The following SLIT1 variants were observed in gnomAD, a reference collection of about 807,000 sequenced individuals.
The protein encoded by SLIT1 is slit homolog 1 protein.
A neutral mutation model predicts 186.1 loss-of-function variants in SLIT1; 66 were observed. The ratio of observed to expected loss-of-function variants is 0.35; its 90% CI spans 0.29 to 0.44. The LOEUF (loss-of-function observed/expected upper bound fraction) is 0.44. Among genes scored for constraint, SLIT1 ranks in the 20% least tolerant of loss-of-function variants. The pLI, the probability that SLIT1 is intolerant of heterozygous loss-of-function variation, is 1.00. For missense variants in SLIT1, 1,638 were observed against 2,037.4 expected (o/e 0.80, Z 3.77); for synonymous variants, 761 against 833.8 (o/e 0.91, Z 1.50).
chr10:97,123,981 A>G (rs1849582912), intron 4 of SLIT1, among the ~76,000 whole-genome samples: 1 of 152,114 alleles, frequency 6.6e-6, no homozygotes, highest in Admixed American at 6.6e-5. Context: ...TCCCTCCATC[A>G]GACAGTGTTG....
chr10:97,021,848 C>T lies in SLIT1; in HGVS notation c.2583-435G>A, dbSNP rs535229797. On this transcript the variant is annotated intron_variant, in intron 25 of 36. Coordinates refer to ENST00000266058, the MANE Select transcript of SLIT1 (RefSeq NM_003061.3). This position sits in a 1 kb window ranked among gnomAD's most constrained non-coding sequence, Gnocchi z 4.5. ...AAAGTGCTGGGATTACAGGCGTGAGCCACCGTGCCTGGCTGCCAGTGCTGT... is the reference window on the plus strand; with the variant it reads ...AAAGTGCTGGGATTACAGGCGTGAGTCACCGTGCCTGGCTGCCAGTGCTGT... 6.6e-6 allele frequency among the ~76,000 whole-genome samples: 1 copy of T among 152,348 alleles called. No homozygotes were observed. The highest frequency in any genetic ancestry group is 1.9e-4 in the East Asian group (1 of 5,176).
chr10:97,153,786 T>C (rs1849910522), intron 4 of SLIT1: 1 of 152,274 alleles, frequency 6.6e-6, no homozygotes, highest in African/African-American at 2.4e-5. Flanking sequence ...ACCTGAGTCA[T>C]GATGGAATCG....
intron 12 of SLIT1, among the ~76,000 whole-genome samples, chr10:97,056,676 A>T (rs559318383): frequency 6.6e-6 from 1 of 152,308 alleles, no homozygotes; most frequent in South Asian, 2.1e-4. Context: ...ATCTTGGTCA[A>T]CCCACTCGTC....
intron 4 of SLIT1, among the ~76,000 whole-genome samples, chr10:97,070,166 A>G (rs1198991366): frequency 1.3e-5 from 2 of 152,192 alleles, no homozygotes; most frequent in Non-Finnish European, 2.9e-5. Flanking sequence ...ATGCAATCTC[A>G]TGAAAAACCC....
intron 4 of SLIT1, among the ~76,000 whole-genome samples, chr10:97,089,642 G>A (rs1030592700): frequency 2.0e-5 from 3 of 152,136 alleles, no homozygotes; most frequent in Non-Finnish European, 4.4e-5. Flanking sequence ...CCTGTGAGGC[G>A]GTGGAAGGTG....
At chr10:97,169,543 G>T (rs1405613802) in intron 1 of SLIT1, among the ~76,000 whole-genome samples, 1 of 152,220 alleles carries the variant, frequency 6.6e-6, no homozygotes, top group African/African-American at 2.4e-5. Context: ...CCCTCCCCCA[G>T]CAAGCTGCCA....
intron 28 of SLIT1, among the ~76,000 whole-genome samples, chr10:97,016,420 C>G (rs1457420033): frequency 6.6e-6 from 1 of 152,122 alleles, no homozygotes; most frequent in Non-Finnish European, 1.5e-5. Flanking sequence ...ATTTTAGAGA[C>G]AGTTTCACTG....
Position 97,004,354 on chromosome 10 carries a change from G to T in SLIT1, c.3711-132C>A. The T allele has an allele frequency of 1.1e-6, 1 of 898,730 alleles. No individual in the cohort carries two copies. 55.7% of individuals were successfully genotyped at this position (898,730 alleles called of 1,614,324 possible). A position where few individuals can be genotyped will look rare whatever the true frequency, so the allele number is the denominator to read the frequency against. The stretch of plus-strand genomic sequence containing the variant: ...ATATCTAAGGAAAAGGACTGTGGGG[G>T]CTCAAGGGTCTATCGCATGATCCCT... On this transcript the variant is annotated intron_variant, in intron 33 of 36. Coordinates refer to ENST00000266058, the MANE Select transcript of SLIT1 (RefSeq NM_003061.3). This position sits in a 1 kb window ranked among gnomAD's most constrained non-coding sequence, Gnocchi z 5.1.
At chr10:97,058,276 C>T (rs1000538874) in intron 11 of SLIT1, among the ~76,000 whole-genome samples, 10 of 152,098 alleles carry the variant, frequency 6.6e-5, no homozygotes, top group Admixed American at 3.3e-4. Context: ...CAGGGCTGGC[C>T]GAGGTAGACA....
chr10:97,107,392 G>C (rs77664534), intron 4 of SLIT1, among the ~76,000 whole-genome samples: 4,378 of 152,180 alleles, frequency 0.029, 120 homozygotes, highest in South Asian at 0.13. Context: ...GGTAAGGCAG[G>C]GCAGCTGGTC....
intron 3 of SLIT1, 140 bp from the exon 4 acceptor site, chr10:97,158,029 TTACC>T: frequency 1.4e-6 from 1 of 692,362 alleles, no homozygotes; most frequent in Non-Finnish European, 2.6e-6. Context: ...CCCAGGGAAA[TTACC>T]TTCTCTGGGC....
chr10:97,004,670 T>TG lies in SLIT1; in HGVS notation c.3710+22dup, dbSNP rs1290774015. ...GCAGTCCCGTACCCCTGAGGGCAGC[T>TG]GGGGGGCATAAGGAAGCCCTACCTG... On this transcript the variant is annotated intron_variant, in intron 33 of 36. Coordinates refer to ENST00000266058, the MANE Select transcript of SLIT1 (RefSeq NM_003061.3). This position sits in a 1 kb window ranked among gnomAD's most constrained non-coding sequence, Gnocchi z 5.1. 18 of 1,613,662 alleles carry TG rather than the reference T, an allele frequency of 1.1e-5. No individual in the cohort carries two copies. Among genetic ancestry groups the TG allele is most frequent in the Non-Finnish European group, 1.4e-5 (17 of 1,179,844 alleles).
intron 4 of SLIT1, among the ~76,000 whole-genome samples, chr10:97,118,207 C>T (rs1035376503): frequency 6.6e-6 from 1 of 152,148 alleles, no homozygotes; most frequent in Non-Finnish European, 1.5e-5. Context: ...AGGTTTTAGG[C>T]CCATTTTGCT....
intron 1 of SLIT1, among the ~76,000 whole-genome samples, 172 bp downstream of exon 1, chr10:97,185,306 C>T (rs2220594): frequency 0.19 from 28,802 of 152,178 alleles, 2,988 homozygotes; most frequent in African/African-American, 0.28. Context: ...GGGGAAACCA[C>T]GGCGCTCCTG....
At position 97,043,693 on chromosome 10, in the gene SLIT1, T is replaced by G. The variant is rs1357788214; in HGVS notation, c.1854-180A>C. ...AGGTGAGGCGAGTTTTACACACCTG[T>G]GCCCACTCCAGACCCGCCCCCGCCT... is the stretch of plus-strand genomic sequence containing the variant. On this transcript the variant is annotated intron_variant, in intron 18 of 36. Coordinates refer to ENST00000266058, the MANE Select transcript of SLIT1 (RefSeq NM_003061.3). The surrounding 1 kb of genome is among the most constrained non-coding windows in gnomAD (Gnocchi z 7.0). 6.6e-6 allele frequency among the ~76,000 whole-genome samples: 1 copy of G among 151,952 alleles called. No homozygotes were observed. The highest frequency in any genetic ancestry group is 1.9e-4 in the East Asian group (1 of 5,166).
At chr10:97,007,109 TAAG>T (rs1268848850) in intron 31 of SLIT1, among the ~76,000 whole-genome samples, 1 of 152,006 alleles carries the variant, frequency 6.6e-6, no homozygotes, top group East Asian at 1.9e-4. Flanking sequence ...GTTACTAAAA[TAAG>T]AAATAAAAGA....
rs1848676138 is a variant in SLIT1, at chr10:97,040,011, G to GC, written c.2273dup (p.Ile759HisfsTer85). 6.2e-7 allele frequency: 1 copy of GC among 1,613,662 alleles called. No individual in the cohort carries two copies. Among genetic ancestry groups the GC allele is most frequent in the Admixed American group, 1.7e-5 (1 of 59,954 alleles). The stretch of plus-strand genomic sequence containing the variant: ...ACAGTTCTGTGACATTCTTGGGAAT[G>GC]CCCTTGGGCAGGGCCCGCAGGTGCT... On this transcript the variant is annotated frameshift_variant, in exon 21 of 37. Transcript: ENST00000266058. LOFTEE classifies it high-confidence loss of function.
At chr10:97,141,681 T>TGTATC (rs535747840) in intron 4 of SLIT1, among the ~76,000 whole-genome samples, 38,420 of 140,912 alleles carry the variant, frequency 0.27, 5,436 homozygotes, top group South Asian at 0.44. Flanking sequence ...TGTATCGTAT[T>TGTATC]GTATCGTATC....
chr10:97,091,723 C>T (rs189745667), intron 4 of SLIT1, among the ~76,000 whole-genome samples: 1 of 152,290 alleles, frequency 6.6e-6, no homozygotes, highest in East Asian at 1.9e-4. Context: ...ATGAGAACAC[C>T]GAGGCTGAGA....
Sources: gnomAD v4.1 joint callset for allele counts (sites outside exome capture counted in the v4.1 genomes callset) on GRCh38, gnomAD v4.1.1 for gene constraint, Gnocchi (gnomAD v3.1) non-coding constraint, MANE v1.5 for transcripts, NCBI Gene and HGNC (gene_info 2026-07-23, HGNC 2026-07-21) for gene names.